Variants in PRKCQ observed in about 807,000 individuals in gnomAD.
PRKCQ encodes the protein protein kinase C theta.
Under a neutral mutation model 91.2 loss-of-function variants are expected in PRKCQ, and 41 were observed. The ratio of observed to expected loss-of-function variants is 0.45; its 90% CI spans 0.35 to 0.58. PRKCQ has a LOEUF of 0.58. Among genes scored for constraint, PRKCQ ranks in the 20% least tolerant of loss-of-function variants. PRKCQ has a pLI of 0.00. For synonymous variants in PRKCQ, 307 were observed against 316.9 expected (o/e 0.97, Z 0.33); for missense variants, 673 against 896.5 (o/e 0.75, Z 3.18).
intron 1 of PRKCQ, among the ~76,000 whole-genome samples, chr10:6,562,968 T>A (rs371176028): frequency 2.0e-5 from 3 of 152,172 alleles, no homozygotes; most frequent in African/African-American, 7.2e-5. Context: ...ACTAAAATAT[T>A]TTCTGTAGTG....
At chr10:6,420,801 C>T in the PRKCQ span, among the ~76,000 whole-genome samples, 1 of 152,150 alleles carries the variant, frequency 6.6e-6, no homozygotes, top group Non-Finnish European at 1.5e-5. Flanking sequence ...TTATGGGAGG[C>T]TTTCAGAAAA....
At chr10:6,564,974 C>T (rs112509883) in intron 1 of PRKCQ, among the ~76,000 whole-genome samples, 4 of 152,150 alleles carry the variant, frequency 2.6e-5, no homozygotes, top group East Asian at 1.9e-4. Flanking sequence ...TTTTAAAAAG[C>T]GGTTTTCAGA....
chr10:6,520,998 C>T (rs965311825), intron 1 of PRKCQ, among the ~76,000 whole-genome samples: 3 of 152,184 alleles, frequency 2.0e-5, no homozygotes, highest in African/African-American at 4.8e-5. Flanking sequence ...CCCTCATCCC[C>T]AGTGAAGATA....
intron 1 of PRKCQ, among the ~76,000 whole-genome samples, chr10:6,536,251 G>T (rs1655815680): frequency 6.6e-6 from 1 of 152,188 alleles, no homozygotes; most frequent in South Asian, 2.1e-4. Context: ...CTTTGCTGAG[G>T]GGTATAACCC....
intron 15 of PRKCQ, among the ~76,000 whole-genome samples, chr10:6,447,849 C>T (rs868836810): frequency 6.6e-6 from 1 of 152,208 alleles, no homozygotes; most frequent in Non-Finnish European, 1.5e-5. Flanking sequence ...CTCATAAAGA[C>T]CCTGCAGGGC....
rs147671489 is a variant in PRKCQ at position 6,527,745 on chromosome 10, C to T, written c.-9-12601G>A. ...AATGACAAAAGGCCCCGAGCTTCTCCCAGATGGCCACCGTCACACACTGCT... is the reference window on the plus strand; with the variant it reads ...AATGACAAAAGGCCCCGAGCTTCTCTCAGATGGCCACCGTCACACACTGCT... On this transcript the variant is annotated intron_variant, in intron 1 of 17. Coordinates refer to ENST00000263125, the MANE Select transcript of PRKCQ (RefSeq NM_006257.5). 1.2e-4 allele frequency among the ~76,000 whole-genome samples: 18 copies of T among 152,240 alleles called. No homozygotes were observed. In the East Asian group the frequency reaches 2.9e-3, roughly 25 times the overall value.
At position 6,472,869 on chromosome 10, in the gene PRKCQ, C is replaced by T. The variant is rs640389; in HGVS notation, c.1353+6123G>A. Among the ~76,000 whole-genome samples, 1,478 of 152,136 alleles carry T rather than the reference C, an allele frequency of 9.7e-3. 15 individuals carry two copies. Among genetic ancestry groups the T allele is most frequent in the Non-Finnish European group, 0.015 (1,039 of 67,964 alleles). The stretch of plus-strand genomic sequence containing the variant: ...CTGGGATTATAGGTGCCCACCACCC[C>T]GCCTGGCTAATTTTTGTATTTTTAG... On this transcript the variant is annotated intron_variant, in intron 12 of 17. Transcript: ENST00000263125.
At chr10:6,573,903 G>A (rs1164157803) in intron 1 of PRKCQ, among the ~76,000 whole-genome samples, 1 of 152,236 alleles carries the variant, frequency 6.6e-6, no homozygotes, top group Non-Finnish European at 1.5e-5. Context: ...GATCACTTGA[G>A]CCCAGGAGTT....
intron 1 of PRKCQ, among the ~76,000 whole-genome samples, chr10:6,557,349 G>A (rs1350903878): frequency 6.6e-6 from 1 of 152,150 alleles, no homozygotes; most frequent in Non-Finnish European, 1.5e-5. Context: ...TCTTCCTTTT[G>A]TTCCAGAGAC....
chr10:6,524,750 TGAGGAGG>T (rs996017867), intron 1 of PRKCQ, among the ~76,000 whole-genome samples: 45 of 152,194 alleles, frequency 3.0e-4, no homozygotes, highest in South Asian at 8.3e-4. Flanking sequence ...GAAAAGTGGG[TGAGGAGG>T]GAGGAGGGAG....
intron 1 of PRKCQ, among the ~76,000 whole-genome samples, chr10:6,537,629 C>T (rs1839632558): frequency 6.6e-6 from 1 of 152,210 alleles, no homozygotes; most frequent in Non-Finnish European, 1.5e-5. Context: ...TTAATGGCAA[C>T]TGGCTGAGTT....
At chr10:6,565,144 C>T (rs1840794567) in intron 1 of PRKCQ, among the ~76,000 whole-genome samples, 1 of 152,200 alleles carries the variant, frequency 6.6e-6, no homozygotes, top group Non-Finnish European at 1.5e-5. Flanking sequence ...ATGTTTGATG[C>T]TTCTTTATAA....
intron 7 of PRKCQ, among the ~76,000 whole-genome samples, chr10:6,495,506 C>G (rs1195692460): frequency 1.3e-5 from 2 of 152,224 alleles, no homozygotes; most frequent in Non-Finnish European, 2.9e-5. Context: ...GGGGAGATTC[C>G]CGGACCACAG....
Position 6,497,355 on chromosome 10 carries a change from G to A in PRKCQ, c.543-104C>T. The A allele has an allele frequency of 1.5e-6, 2 of 1,351,094 alleles. No homozygotes were observed. Among genetic ancestry groups the A allele is most frequent in the Non-Finnish European group, 2.1e-6 (2 of 944,920 alleles). The allele number at this position is 1,351,094 out of a possible 1,614,324, so 83.7% of individuals were successfully genotyped here. A position where few individuals can be genotyped will look rare whatever the true frequency, so the allele number is the denominator to read the frequency against. Reference sequence around the variant, plus strand: ...TCTCATAACCCCCTAAGATCACAGAGCAGTTTCTGATCAGCAGCCCTGTTG... The same window carrying A: ...TCTCATAACCCCCTAAGATCACAGAACAGTTTCTGATCAGCAGCCCTGTTG... On this transcript the variant is annotated intron_variant, in intron 5 of 17. Transcript: ENST00000263125. The surrounding 1 kb of genome is among the most constrained non-coding windows in gnomAD (Gnocchi z 4.5).
the PRKCQ span, among the ~76,000 whole-genome samples, chr10:6,405,641 A>G: frequency 6.6e-6 from 1 of 152,166 alleles, no homozygotes; most frequent in African/African-American, 2.4e-5. Context: ...GGAAGAGGGA[A>G]TTTGCCTTGC....
chr10:6,492,137 G>C (rs1483452677), intron 7 of PRKCQ, among the ~76,000 whole-genome samples: 1 of 151,726 alleles, frequency 6.6e-6, no homozygotes, highest in African/African-American at 2.4e-5. Flanking sequence ...TAAGGAAACA[G>C]TGCTCCCATT....
At chr10:6,408,046 G>GTTTTTTTTTTTTTT in the PRKCQ span, among the ~76,000 whole-genome samples, 6 of 84,230 alleles carry the variant, frequency 7.1e-5, 1 homozygote, top group African/African-American at 3.3e-4. Context: ...TCTTGTGTCA[G>GTTTTTTTTTTTTTT]TTTTTTTTTT....
chr10:6,510,898 G>T, intron 3 of PRKCQ, 97 bp downstream of exon 3: 1 of 1,444,090 alleles, frequency 6.9e-7, no homozygotes, highest in Non-Finnish European at 9.7e-7. Context: ...CCCGAGGCCA[G>T]TGTAATCACA....
At chr10:6,401,682 CG>C in the PRKCQ span, among the ~76,000 whole-genome samples, 1 of 152,152 alleles carries the variant, frequency 6.6e-6, no homozygotes, top group African/African-American at 2.4e-5. Flanking sequence ...CTGATTCCCA[CG>C]GGCTTTCCTG....
Sources: allele counts gnomAD v4.1 joint callset (sites outside exome capture counted in the v4.1 genomes callset), GRCh38; gene constraint gnomAD v4.1.1; non-coding constraint Gnocchi (gnomAD v3.1); transcripts MANE v1.5; gene names NCBI Gene and HGNC (gene_info 2026-07-23, HGNC 2026-07-21).